CTBP2: variants seen among roughly 807,000 people sequenced by gnomAD.
The protein encoded by CTBP2 is C-terminal binding protein 2, also known as C-terminal-binding protein 2.
In CTBP2, 30 loss-of-function variants were observed where a neutral mutation model predicts 80.3. The ratio of observed to expected loss-of-function variants is 0.37; its 90% CI spans 0.28 to 0.51. CTBP2 has a LOEUF of 0.51. Among genes scored for constraint, CTBP2 ranks in the 20% least tolerant of loss-of-function variants. CTBP2 has a pLI of 0.93. For synonymous variants in CTBP2, 594 were observed against 587.4 expected, an observed-to-expected ratio of 1.01 and a Z score of -0.16; for missense variants, 1,212 against 1,375.3, an observed-to-expected ratio of 0.88 and a Z score of 1.88.
chr10:125,155,403 C>CTT (rs545975275), intron 1 of CTBP2, among the ~76,000 whole-genome samples: 1 of 147,296 alleles, frequency 6.8e-6, no homozygotes, highest in Non-Finnish European at 1.5e-5. Flanking sequence ...TGAATCCCCC[C>CTT]TTTTTTTTTT....
At chr10:125,113,905 T>G (rs571260149) in intron 1 of CTBP2, among the ~76,000 whole-genome samples, 1 of 152,302 alleles carries the variant, frequency 6.6e-6, no homozygotes, top group Non-Finnish European at 1.5e-5. Context: ...GGAATAAGAA[T>G]GTTAAAAGGC....
chr10:125,074,687 C>T (rs932575065), intron 2 of CTBP2, among the ~76,000 whole-genome samples: 10 of 152,218 alleles, frequency 6.6e-5, no homozygotes, highest in South Asian at 2.1e-4. Context: ...ACTGGGTGTA[C>T]GTTTCAGAGT....
rs1182587475 is a variant in CTBP2 at position 125,026,754 on chromosome 10, G to C, written c.1006C>G (p.Leu336Val). 1.2e-6 allele frequency: 2 copies of C among 1,613,068 alleles called. No individual in the cohort carries two copies. Among genetic ancestry groups the C allele is most frequent in the African/African-American group, 1.3e-5 (1 of 75,044 alleles). Residue 336 changes from leucine (L) to valine (V), a missense_variant, in exon 1 of 9, where the codon CTG becomes GTG. This residue lies in a region of CTBP2 where 848 missense variants were observed against 782.3 expected (regional missense o/e 1.08). Transcript: ENST00000309035. ...CGGCTCAGAACACGGGCCTGGCCCA[G>C]GTTGGGTGCGACAGACTTGATATCC...
At chr10:125,075,928 G>A (rs954385395) in intron 2 of CTBP2, among the ~76,000 whole-genome samples, 3 of 152,154 alleles carry the variant, frequency 2.0e-5, no homozygotes, top group Admixed American at 6.5e-5. Context: ...TCTTCTTCTA[G>A]GTATGTGCTC....
At chr10:125,062,943 C>G (rs1444355979) in intron 2 of CTBP2, among the ~76,000 whole-genome samples, 1 of 152,250 alleles carries the variant, frequency 6.6e-6, no homozygotes, top group Non-Finnish European at 1.5e-5. Context: ...CTAATGGCCC[C>G]AAGAGAGGCT....
intron 2 of CTBP2, chr10:125,100,542 A>C (rs1342325188): frequency 3.3e-5 from 5 of 152,260 alleles, no homozygotes; most frequent in African/African-American, 1.2e-4. Flanking sequence ...AAATTTTTTA[A>C]TTTAATTTTT....
At chr10:125,103,384 G>A (rs1850938610) in intron 2 of CTBP2, among the ~76,000 whole-genome samples, 1 of 152,218 alleles carries the variant, frequency 6.6e-6, no homozygotes, top group East Asian at 1.9e-4. Flanking sequence ...GGGAGCTGCG[G>A]AAATCACTCT....
intron 1 of CTBP2, among the ~76,000 whole-genome samples, chr10:125,134,108 G>A (rs981643263): frequency 2.0e-5 from 3 of 152,330 alleles, no homozygotes; most frequent in South Asian, 2.1e-4. Context: ...GTCCTGGAGC[G>A]CTAGTTACTC....
intron 2 of CTBP2, among the ~76,000 whole-genome samples, chr10:125,071,195 A>G (rs1288656724): frequency 6.6e-6 from 1 of 152,188 alleles, no homozygotes; most frequent in Non-Finnish European, 1.5e-5. Context: ...GGGGAAACAG[A>G]GGCAGCGAGG....
chr10:125,043,702 C>T (rs1159007359), intron 2 of CTBP2, among the ~76,000 whole-genome samples: 1 of 152,154 alleles, frequency 6.6e-6, no homozygotes, highest in African/African-American at 2.4e-5. Context: ...TCCCAAAGTG[C>T]TGGGATTATA....
chr10:125,001,844 T>C (rs529424450), intron 3 of CTBP2, among the ~76,000 whole-genome samples: 1 of 152,152 alleles, frequency 6.6e-6, no homozygotes, highest in African/African-American at 2.4e-5. Context: ...TTCTGACCCA[T>C]ACACTCCATG....
At position 125,027,481 on chromosome 10, in the gene CTBP2, G is replaced by A; in HGVS notation, c.279C>T (p.Asp93=). 1 of 1,614,180 alleles carries A rather than the reference G, an allele frequency of 6.2e-7. No individual in the cohort carries two copies. Among genetic ancestry groups the A allele is most frequent in the Non-Finnish European group, 8.5e-7 (1 of 1,180,022 alleles). ...GACCAGACATCACTGCCTGTCTGCT[G>A]TCGTAGAAGGTGAAGTCAGGAGTAG... is the stretch of plus-strand genomic sequence containing the variant. Residue 93 remains aspartate (D), a synonymous_variant, in exon 1 of 9, where the codon GAC becomes GAT. Transcript: ENST00000309035.
rs189116214 is a variant in CTBP2 at position 125,062,848 on chromosome 10, G to C, written c.-101-23693C>G. 1.9e-3 allele frequency among the ~76,000 whole-genome samples: 297 copies of C among 152,340 alleles called. 1 individual carries two copies. The highest frequency in any genetic ancestry group is 6.7e-3 in the African/African-American group (279 of 41,572). ...ACTGGGCGCCTGGGCAACAAAGCGAGACTCTATCTCAAAAAAATAAAATAA... is the reference window on the plus strand; with the variant it reads ...ACTGGGCGCCTGGGCAACAAAGCGACACTCTATCTCAAAAAAATAAAATAA... On this transcript the variant is annotated intron_variant, in intron 2 of 10. Transcript: ENST00000337195.
upstream of CTBP2, among the ~76,000 whole-genome samples, chr10:125,028,450 C>T (rs550678728): frequency 2.6e-5 from 4 of 152,360 alleles, no homozygotes; most frequent in African/African-American, 7.2e-5. Flanking sequence ...AAGGTCCACA[C>T]GTGATCCTAG....
At chr10:125,056,107 G>A (rs989435562) in intron 2 of CTBP2, among the ~76,000 whole-genome samples, 2 of 152,018 alleles carry the variant, frequency 1.3e-5, no homozygotes, top group Admixed American at 6.5e-5. Flanking sequence ...AGAGGTTACA[G>A]TGTGCCGAGA....
chr10:125,028,512 A>G (rs536850189), upstream of CTBP2, among the ~76,000 whole-genome samples: 2 of 152,354 alleles, frequency 1.3e-5, no homozygotes, highest in Non-Finnish European at 2.9e-5. Flanking sequence ...TGATGCTTTG[A>G]TAATACTGAG....
chr10:125,158,919 T>C (rs1179972662), intron 1 of CTBP2, among the ~76,000 whole-genome samples: 3 of 151,344 alleles, frequency 2.0e-5, no homozygotes, highest in Non-Finnish European at 4.4e-5. Flanking sequence ...TGTGCGCGCG[T>C]GTGTGTCTCG....
At chr10:125,068,602 T>C (rs1198660596) in intron 2 of CTBP2, among the ~76,000 whole-genome samples, 1 of 152,180 alleles carries the variant, frequency 6.6e-6, no homozygotes, top group African/African-American at 2.4e-5. Context: ...ACACCACAGA[T>C]GCTGGCTGTC....
intron 2 of CTBP2, among the ~76,000 whole-genome samples, chr10:125,079,308 C>A (rs1846821735): frequency 6.6e-6 from 1 of 152,244 alleles, no homozygotes; most frequent in Non-Finnish European, 1.5e-5. Context: ...TTCACAGCCA[C>A]TGGCTCACAT....
Sources: allele counts gnomAD v4.1 joint callset (sites outside exome capture counted in the v4.1 genomes callset), GRCh38; gene constraint gnomAD v4.1.1; regional missense constraint gnomAD v4.1.1; transcripts MANE v1.5; gene names NCBI Gene and HGNC (gene_info 2026-07-23, HGNC 2026-07-21).